DDAH1: variants seen among roughly 807,000 people sequenced by gnomAD.
DDAH1 encodes the protein dimethylarginine dimethylaminohydrolase 1, also known as N(G),N(G)-dimethylarginine dimethylaminohydrolase 1.
Under a neutral mutation model 28.8 loss-of-function variants are expected in DDAH1, and 19 were observed. The ratio of observed to expected loss-of-function variants is 0.66; its 90% CI spans 0.46 to 0.97. The LOEUF is 0.97. DDAH1 is among the 50% of genes least tolerant of loss of function. DDAH1 has a pLI of 0.00. For missense variants in DDAH1, 326 were observed against 375.9 expected (o/e 0.87, Z 1.10); for synonymous variants, 153 against 154.4 (o/e 0.99, Z 0.07).
intron 4 of DDAH1, among the ~76,000 whole-genome samples, chr1:85,343,369 G>A (rs950517287): frequency 1.3e-5 from 2 of 152,168 alleles, no homozygotes; most frequent in African/African-American, 4.8e-5. Context: ...TTGGCATACA[G>A]CTCTGGGAAT....
intron 1 of DDAH1, among the ~76,000 whole-genome samples, chr1:85,562,284 T>C (rs1042149132): frequency 6.6e-6 from 1 of 152,168 alleles, no homozygotes; most frequent in Non-Finnish European, 1.5e-5. Context: ...ATTATGACTA[T>C]CATAAATACT....
At chr1:85,361,737 C>T (rs76225184) in intron 1 of DDAH1, among the ~76,000 whole-genome samples, 1 of 152,140 alleles carries the variant, frequency 6.6e-6, no homozygotes, top group Non-Finnish European at 1.5e-5. Flanking sequence ...CTATTTATCA[C>T]AGCATAGATT....
At chr1:85,415,808 G>T (rs754308406) in intron 1 of DDAH1, among the ~76,000 whole-genome samples, 1 of 152,056 alleles carries the variant, frequency 6.6e-6, no homozygotes, top group African/African-American at 2.4e-5. Context: ...TCTAAATTTT[G>T]ATTTTTTAAA....
chr1:85,393,947 T>G (rs771545266), intron 1 of DDAH1, among the ~76,000 whole-genome samples: 4 of 152,226 alleles, frequency 2.6e-5, no homozygotes, highest in Non-Finnish European at 5.9e-5. Flanking sequence ...AGCTCTAAGA[T>G]CTGCTTCTGG....
chr1:85,471,819 G>C (rs1032826679), intron 2 of DDAH1, among the ~76,000 whole-genome samples: 1 of 152,164 alleles, frequency 6.6e-6, no homozygotes, highest in Non-Finnish European at 1.5e-5. Flanking sequence ...AACCTTCTCT[G>C]GTCCCCACCT....
intron 1 of DDAH1, among the ~76,000 whole-genome samples, chr1:85,377,141 A>G (rs10873700): frequency 0.046 from 7,014 of 152,188 alleles, 265 homozygotes; most frequent in South Asian, 0.18. Flanking sequence ...AACTCCCAGT[A>G]GGTTGGCATG....
chr1:85,529,748 C>G (rs556622723), intron 1 of DDAH1, among the ~76,000 whole-genome samples: 1 of 147,984 alleles, frequency 6.8e-6, no homozygotes, highest in Non-Finnish European at 1.5e-5. Flanking sequence ...TGTTGCGTCC[C>G]TACCCTAACA....
chr1:85,468,608 C>T (rs2100700151), upstream of DDAH1, among the ~76,000 whole-genome samples: 1 of 152,026 alleles, frequency 6.6e-6, no homozygotes, highest in Admixed American at 6.5e-5. Flanking sequence ...CAAGCTCTGC[C>T]TCCCGCGTTC....
intron 1 of DDAH1, among the ~76,000 whole-genome samples, chr1:85,548,973 C>T (rs1658709886): frequency 6.6e-6 from 1 of 152,244 alleles, no homozygotes; most frequent in South Asian, 2.1e-4. Context: ...GGGCATCGAA[C>T]TCCTGTTCTA....
At chr1:85,467,867 A>G (rs1044245284), upstream of DDAH1, among the ~76,000 whole-genome samples, 1 of 152,216 alleles carries the variant, frequency 6.6e-6, no homozygotes, top group Non-Finnish European at 1.5e-5. Flanking sequence ...AGAGCTCACA[A>G]TCTCACTAGG....
intron 1 of DDAH1, among the ~76,000 whole-genome samples, chr1:85,429,542 T>G (rs1002286731): frequency 6.6e-6 from 1 of 152,174 alleles, no homozygotes; most frequent in Non-Finnish European, 1.5e-5. Flanking sequence ...GTAATGGGAT[T>G]GCTGGGTCAA....
intron 4 of DDAH1, among the ~76,000 whole-genome samples, chr1:85,349,770 A>T (rs959470866): frequency 1.3e-5 from 2 of 152,234 alleles, no homozygotes; most frequent in African/African-American, 4.8e-5. Flanking sequence ...TTGAAGTTAC[A>T]GAGAAGGAAA....
At chr1:85,366,721 A>G (rs1650095169) in intron 1 of DDAH1, among the ~76,000 whole-genome samples, 2 of 152,208 alleles carry the variant, frequency 1.3e-5, no homozygotes, top group African/African-American at 4.8e-5. Context: ...GAATGCAGAC[A>G]AGATAGGGCA....
chr1:85,354,114 TG>T (rs1315373448), intron 2 of DDAH1, among the ~76,000 whole-genome samples: 1 of 152,170 alleles, frequency 6.6e-6, no homozygotes, highest in Non-Finnish European at 1.5e-5. Flanking sequence ...TAAATTTTTT[TG>T]ATGTCTTTTG....
chr1:85,448,903 G>C (rs1654550014), intron 1 of DDAH1, among the ~76,000 whole-genome samples: 2 of 152,164 alleles, frequency 1.3e-5, no homozygotes, highest in South Asian at 2.1e-4. Flanking sequence ...GAACAAGTTT[G>C]TTAAACTGAG....
intron 2 of DDAH1, 102 bp downstream of exon 2, chr1:85,358,646 C>T: frequency 1.1e-6 from 1 of 934,172 alleles, no homozygotes; most frequent in Non-Finnish European, 1.6e-6. Context: ...GACTCTGTCT[C>T]AAAAACAAAA....
chr1:85,371,624 G>A (rs1379635762), intron 1 of DDAH1, among the ~76,000 whole-genome samples: 1 of 152,148 alleles, frequency 6.6e-6, no homozygotes, highest in African/African-American at 2.4e-5. Context: ...CAATAGTGTA[G>A]GCAAGGCTAT....
chr1:85,466,854 T>TTTTTTTTTTTG (rs1655403735), upstream of DDAH1, among the ~76,000 whole-genome samples: 1 of 128,676 alleles, frequency 7.8e-6, no homozygotes, highest in African/African-American at 2.8e-5. Context: ...TTTTTTTTTT[T>TTTTTTTTTTTG]GAGATGGAGT....
chr1:85,335,596 T>A (rs1648055679), intron 4 of DDAH1, among the ~76,000 whole-genome samples: 1 of 152,132 alleles, frequency 6.6e-6, no homozygotes, highest in Non-Finnish European at 1.5e-5. Context: ...GATAAATGGA[T>A]CAATTAAGCA....
Sources: allele counts gnomAD v4.1 joint callset (sites outside exome capture counted in the v4.1 genomes callset), GRCh38; gene constraint gnomAD v4.1.1; transcripts MANE v1.5; gene names NCBI Gene and HGNC (gene_info 2026-07-23, HGNC 2026-07-21).